Variants in CERKL observed in about 807,000 individuals in gnomAD.
The protein encoded by CERKL is ceramide kinase-like protein.
In CERKL, 61 loss-of-function variants were observed where a neutral mutation model predicts 63.4. The ratio of observed to expected loss-of-function variants is 0.96; its 90% CI spans 0.78 to 1.19. The LOEUF is 1.19. Ranked by LOEUF, CERKL falls within the 50% of genes most tolerant of loss-of-function variation. The probability of loss-of-function intolerance (pLI) is 0.00; values close to 1 mark genes in which losing one functional copy is unlikely to be tolerated. For missense variants in CERKL, 675 were observed against 655.5 expected (o/e 1.03, Z -0.33); for synonymous variants, 250 against 230.5 (o/e 1.08, Z -0.77).
chr2:181,542,964 T>C (rs1195381485), intron 11 of CERKL, among the ~76,000 whole-genome samples: 1 of 152,136 alleles, frequency 6.6e-6, no homozygotes, highest in African/African-American at 2.4e-5. Flanking sequence ...ATAGGCAATT[T>C]CAAAAGAGAC....
In CERKL at chr2:181,625,907, A is replaced by G. The variant is rs189108874; in HGVS notation, c.239-21828T>C. Among the ~76,000 whole-genome samples the G allele has an allele frequency of 4.1e-4, 63 of 152,348 alleles. 2 individuals are homozygous for G. In the East Asian group the frequency reaches 0.012, roughly 29 times the overall value. On this transcript the variant is annotated intron_variant, in intron 1 of 12. Transcript: ENST00000410087. ...AATCTAAAGTTTCTTTCATGCCTAA[A>G]ACGCTATATTGTTTAATAGACAAAA... is the stretch of plus-strand genomic sequence containing the variant.
chr2:181,563,792 A>T (rs1369292050), intron 4 of CERKL, among the ~76,000 whole-genome samples: 1 of 151,864 alleles, frequency 6.6e-6, no homozygotes, highest in African/African-American at 2.4e-5. Flanking sequence ...CTCCTCATAT[A>T]TCTCTCTATG....
intron 1 of CERKL, among the ~76,000 whole-genome samples, chr2:181,604,692 G>A (rs1390446264): frequency 6.6e-6 from 1 of 152,136 alleles, no homozygotes; most frequent in Admixed American, 6.5e-5. Flanking sequence ...TAACAGAAGT[G>A]ACTTTATGAC....
rs1459300740 is a variant in CERKL at position 181,539,185 on chromosome 2, G to A, written c.1445C>T (p.Pro482Leu). Residue 482 changes from proline (P) to leucine (L), a missense_variant, in exon 12 of 13, where the codon CCA becomes CTA. Physicochemically the swap from Pro to Leu is moderately conservative, Grantham distance 98. Coordinates refer to ENST00000410087, the MANE Select transcript of CERKL (RefSeq NM_201548.5). ...AGCAGTTTCATCCTCCTCCTCCTCT[G>A]GATTATATCCACCAGTATTATTCCT... ...HPRNNTGGYN[P>L]EEEEDETASE... 3 of 1,603,180 alleles carry A rather than the reference G, an allele frequency of 1.9e-6. No individual in the cohort carries two copies. The highest frequency in any genetic ancestry group is 1.7e-6 in the Non-Finnish European group (2 of 1,170,410).
At chr2:181,627,539 A>G (rs964939728) in intron 1 of CERKL, among the ~76,000 whole-genome samples, 4 of 152,184 alleles carry the variant, frequency 2.6e-5, no homozygotes, top group Non-Finnish European at 4.4e-5. Context: ...CATCCTAAAA[A>G]CTTTTAGGTG....
chr2:181,633,878 T>C (rs1437378954), intron 1 of CERKL, among the ~76,000 whole-genome samples: 1 of 152,154 alleles, frequency 6.6e-6, no homozygotes. Flanking sequence ...CTAAGTAAGA[T>C]TAGCAATTAG....
intron 1 of CERKL, among the ~76,000 whole-genome samples, chr2:181,615,798 TAAAC>T (rs1358340688): frequency 2.0e-5 from 3 of 152,246 alleles, no homozygotes; most frequent in African/African-American, 7.2e-5. Flanking sequence ...AACTAGGGTT[TAAAC>T]AAATAGGGCT....
intron 1 of CERKL, among the ~76,000 whole-genome samples, chr2:181,643,810 C>T (rs955213447): frequency 2.6e-5 from 4 of 152,178 alleles, no homozygotes; most frequent in African/African-American, 9.6e-5. Flanking sequence ...CCTAATCTTA[C>T]CCATTACTTA....
At chr2:181,543,228 A>G (rs935088113) in intron 11 of CERKL, among the ~76,000 whole-genome samples, 4 of 152,230 alleles carry the variant, frequency 2.6e-5, no homozygotes, top group African/African-American at 9.6e-5. Context: ...TTCTGACTTA[A>G]AAACAGCAAT....
At chr2:181,642,724 G>A (rs1238129888) in intron 1 of CERKL, among the ~76,000 whole-genome samples, 1 of 151,950 alleles carries the variant, frequency 6.6e-6, no homozygotes, top group African/African-American at 2.4e-5. Context: ...ATGATTCAAA[G>A]GCCTAGTTTT....
intron 2 of CERKL, among the ~76,000 whole-genome samples, chr2:181,589,509 T>C (rs908227210): frequency 6.6e-6 from 1 of 152,230 alleles, no homozygotes; most frequent in South Asian, 2.1e-4. Context: ...GAAGAAAGGA[T>C]ACACAAGTAA....
intron 1 of CERKL, among the ~76,000 whole-genome samples, chr2:181,613,687 G>A (rs1686070195): frequency 6.6e-6 from 1 of 152,196 alleles, no homozygotes; most frequent in Non-Finnish European, 1.5e-5. Flanking sequence ...TTTTACAAAT[G>A]TATAACAATA....
chr2:181,610,195 A>G (rs1456983188), intron 1 of CERKL, among the ~76,000 whole-genome samples: 1 of 152,228 alleles, frequency 6.6e-6, no homozygotes, highest in Non-Finnish European at 1.5e-5. Flanking sequence ...AAAAGACCCA[A>G]GCAGGCATTT....
intron 3 of CERKL, among the ~76,000 whole-genome samples, chr2:181,567,902 C>A (rs1024172927): frequency 6.6e-6 from 1 of 152,030 alleles, no homozygotes; most frequent in Non-Finnish European, 1.5e-5. Flanking sequence ...CATCCCCCTA[C>A]AAACAAACAA....
chr2:181,588,134 T>C (rs1440873155), intron 2 of CERKL, among the ~76,000 whole-genome samples: 4 of 152,148 alleles, frequency 2.6e-5, no homozygotes, highest in African/African-American at 9.7e-5. Flanking sequence ...AAATCTACTC[T>C]TAACAATTTT....
chr2:181,645,928 GTATACAAGGA>G (rs1268982349), intron 1 of CERKL, among the ~76,000 whole-genome samples: 1 of 152,096 alleles, frequency 6.6e-6, no homozygotes, highest in African/African-American at 2.4e-5. Flanking sequence ...AAATTATATA[GTATACAAGGA>G]GATAAATGCC....
At chr2:181,596,814 A>C (rs1038394814) in intron 2 of CERKL, among the ~76,000 whole-genome samples, 4 of 152,150 alleles carry the variant, frequency 2.6e-5, no homozygotes, top group African/African-American at 9.7e-5. Context: ...AGAGACTTTT[A>C]AAGAAAGCCC....
At chr2:181,648,022 C>T (rs1268856610) in intron 1 of CERKL, among the ~76,000 whole-genome samples, 1 of 151,638 alleles carries the variant, frequency 6.6e-6, no homozygotes, top group Non-Finnish European at 1.5e-5. Context: ...TGTGAAATAA[C>T]CCAAAGTTTA....
chr2:181,589,280 C>A (rs1424355923), intron 2 of CERKL, among the ~76,000 whole-genome samples: 2 of 152,192 alleles, frequency 1.3e-5, no homozygotes, highest in African/African-American at 4.8e-5. Flanking sequence ...AGAAAAGTGG[C>A]AGCCAAACCA....
Sources: allele counts gnomAD v4.1 joint callset (sites outside exome capture counted in the v4.1 genomes callset), GRCh38; gene constraint gnomAD v4.1.1; transcripts MANE v1.5; gene names NCBI Gene and HGNC (gene_info 2026-07-23, HGNC 2026-07-21).